SRGAP3: variants seen among roughly 807,000 people sequenced by gnomAD.
SRGAP3 encodes SLIT-ROBO Rho GTPase activating protein 3, also known as SLIT-ROBO Rho GTPase-activating protein 3.
In SRGAP3, 39 loss-of-function variants were observed where a neutral mutation model predicts 121.1. The ratio of observed to expected loss-of-function variants is 0.32; its 90% CI spans 0.25 to 0.42. The LOEUF (loss-of-function observed/expected upper bound fraction) is 0.42, where lower values mean the gene tolerates loss of function less well. Ranked by LOEUF, SRGAP3 falls within the 10% of genes least tolerant of loss-of-function variation. The pLI is 1.00. For missense variants in SRGAP3, 1,213 were observed against 1,470.6 expected (o/e 0.82, Z 2.86); for synonymous variants, 601 against 570.0 (o/e 1.05, Z -0.77).
At chr3:9,329,403 C>A (rs540251265) in intron 2 of SRGAP3, among the ~76,000 whole-genome samples, 1 of 152,178 alleles carries the variant, frequency 6.6e-6, no homozygotes, top group South Asian at 2.1e-4. Context: ...GAAAAATGAT[C>A]TTTTTTTGTT....
intron 16 of SRGAP3, 32 bp from the exon 17 acceptor site, chr3:9,013,567 G>A: frequency 6.2e-7 from 1 of 1,610,186 alleles, no homozygotes; most frequent in Non-Finnish European, 8.5e-7. Flanking sequence ...CAAGTCATCT[G>A]GGAAAGGCAA....
intron 1 of SRGAP3, among the ~76,000 whole-genome samples, chr3:9,347,261 A>G (rs1386418741): frequency 6.6e-6 from 1 of 152,036 alleles, no homozygotes; most frequent in Non-Finnish European, 1.5e-5. Flanking sequence ...AATCTTTCGG[A>G]TTTAGGCGAG....
At chr3:8,989,971 G>A (rs2124923250) in intron 21 of SRGAP3, among the ~76,000 whole-genome samples, 1 of 152,268 alleles carries the variant, frequency 6.6e-6, no homozygotes, top group Middle Eastern at 3.4e-3. Flanking sequence ...ATTCCTTAAA[G>A]GCACCCAACC....
intron 14 of SRGAP3, among the ~76,000 whole-genome samples, chr3:9,023,462 CCT>C (rs759289587): frequency 7.2e-4 from 109 of 152,130 alleles, no homozygotes; most frequent in Non-Finnish European, 7.3e-4. Context: ...TTTCTTTGCC[CCT>C]GTTTCCCCTG....
intron 18 of SRGAP3, among the ~76,000 whole-genome samples, chr3:8,999,874 T>C (rs1314176983): frequency 6.6e-6 from 1 of 151,680 alleles, no homozygotes; most frequent in Non-Finnish European, 1.5e-5. Flanking sequence ...AGAAAAAATA[T>C]AAAAAGAAAA....
chr3:9,315,516 A>C (rs536984565), intron 3 of SRGAP3, among the ~76,000 whole-genome samples: 1 of 152,300 alleles, frequency 6.6e-6, no homozygotes, highest in South Asian at 2.1e-4. Context: ...CTGGGCTTGA[A>C]ACGAAAGGAA....
At chr3:8,987,444 G>C (rs1941780910) in intron 21 of SRGAP3, among the ~76,000 whole-genome samples, 1 of 152,180 alleles carries the variant, frequency 6.6e-6, no homozygotes, top group Non-Finnish European at 1.5e-5. Flanking sequence ...AAAAGTATGA[G>C]TCTGGTGAAA....
At chr3:9,111,356 G>A (rs1948615373) in intron 2 of SRGAP3, among the ~76,000 whole-genome samples, 1 of 152,250 alleles carries the variant, frequency 6.6e-6, no homozygotes, top group African/African-American at 2.4e-5. Context: ...GTTGGAGGGC[G>A]CTAGTGAAAG....
At chr3:9,229,425 A>G (rs1953118677) in intron 1 of SRGAP3, among the ~76,000 whole-genome samples, 1 of 152,178 alleles carries the variant, frequency 6.6e-6, no homozygotes, top group Non-Finnish European at 1.5e-5. Flanking sequence ...CCCTGGAGCA[A>G]TAGAGCTGAG....
chr3:9,247,461 T>C (rs1461690184), intron 1 of SRGAP3, among the ~76,000 whole-genome samples: 1 of 152,098 alleles, frequency 6.6e-6, no homozygotes, highest in Non-Finnish European at 1.5e-5. Flanking sequence ...AAAAAGACTG[T>C]TGGTGAGACT....
upstream of SRGAP3, among the ~76,000 whole-genome samples, chr3:9,250,341 C>T (rs951234342): frequency 1.3e-5 from 2 of 152,142 alleles, no homozygotes; most frequent in Non-Finnish European, 2.9e-5. Context: ...CTGAAGCTCC[C>T]GGGGCTCCAC....
chr3:9,339,543 G>A (rs765126270), intron 1 of SRGAP3, among the ~76,000 whole-genome samples: 3 of 152,166 alleles, frequency 2.0e-5, no homozygotes, highest in Non-Finnish European at 4.4e-5. Flanking sequence ...TGTGACTGTG[G>A]CAATGTGATA....
intron 20 of SRGAP3, 76 bp downstream of exon 20, chr3:8,992,830 T>C: frequency 6.2e-7 from 1 of 1,612,154 alleles, no homozygotes; most frequent in Non-Finnish European, 8.5e-7. Flanking sequence ...CTCTCCTCTC[T>C]GCCCTTGTGC....
chr3:9,299,931 C>A (rs1288884897), intron 3 of SRGAP3, among the ~76,000 whole-genome samples: 6 of 151,718 alleles, frequency 4.0e-5, no homozygotes. Context: ...CCTTAGCTCT[C>A]CATAGCCAAA....
intron 1 of SRGAP3, among the ~76,000 whole-genome samples, chr3:9,191,423 C>G (rs752625504): frequency 2.6e-5 from 4 of 152,182 alleles, no homozygotes; most frequent in Non-Finnish European, 5.9e-5. Context: ...GGAAAACAGA[C>G]CTGAACCCAT....
At chr3:9,188,799 A>G (rs1323134125) in intron 1 of SRGAP3, among the ~76,000 whole-genome samples, 1 of 152,226 alleles carries the variant, frequency 6.6e-6, no homozygotes, top group Non-Finnish European at 1.5e-5. Flanking sequence ...TAATTAGTGC[A>G]TGATAATAAA....
chr3:9,288,630 C>T (rs1954822448), intron 3 of SRGAP3, among the ~76,000 whole-genome samples: 1 of 150,130 alleles, frequency 6.7e-6, no homozygotes, highest in South Asian at 2.1e-4. Context: ...GGCTGGAGTA[C>T]AGTGTGTGAT....
At chr3:9,234,723 A>G (rs1953342842) in intron 1 of SRGAP3, among the ~76,000 whole-genome samples, 1 of 152,216 alleles carries the variant, frequency 6.6e-6, no homozygotes, top group African/African-American at 2.4e-5. Context: ...GGCAGGCTAC[A>G]TCTGCCAGGA....
At chr3:9,103,825 C>T (rs555468316) in intron 3 of SRGAP3, among the ~76,000 whole-genome samples, 5 of 152,306 alleles carry the variant, frequency 3.3e-5, no homozygotes, top group Non-Finnish European at 7.4e-5. Context: ...GTGCAAGGAA[C>T]GTGGGATACA....
Sources: allele counts gnomAD v4.1 joint callset (sites outside exome capture counted in the v4.1 genomes callset), GRCh38; gene constraint gnomAD v4.1.1; transcripts MANE v1.5; gene names NCBI Gene and HGNC (gene_info 2026-07-23, HGNC 2026-07-21).